CACNA1A: variants seen among roughly 807,000 people sequenced by gnomAD.
CACNA1A encodes calcium voltage-gated channel subunit alpha1 A, also known as voltage-dependent P/Q-type calcium channel subunit alpha-1A.
Under a neutral mutation model 262.4 loss-of-function variants are expected in CACNA1A, and 57 were observed. The observed-to-expected ratio is 0.22, with a 90% CI of 0.18 to 0.27. The LOEUF (loss-of-function observed/expected upper bound fraction) is 0.27. Ranked by LOEUF, CACNA1A falls within the 10% of genes least tolerant of loss-of-function variation. CACNA1A has a pLI of 1.00. For synonymous variants in CACNA1A, 1,431 were observed against 1,419.3 expected (o/e 1.01, Z -0.18); for missense variants, 2,526 against 3,562.8 (o/e 0.71, Z 7.41).
chr19:13,361,731 C>A (rs1255396573), intron 5 of CACNA1A, among the ~76,000 whole-genome samples: 4 of 152,202 alleles, frequency 2.6e-5, no homozygotes, highest in African/African-American at 9.6e-5. Context: ...AAACGCCTTC[C>A]TCACTTATGC....
chr19:13,253,190 C>G, intron 29 of CACNA1A, 89 bp from the exon 30 acceptor site: 1 of 794,756 alleles, frequency 1.3e-6, no homozygotes, highest in Non-Finnish European at 2.1e-6. Context: ...GTTCTCCAGG[C>G]AACACTCCAG....
At chr19:13,234,454 T>G (rs1028844826) in intron 34 of CACNA1A, among the ~76,000 whole-genome samples, 2 of 146,764 alleles carry the variant, frequency 1.4e-5, no homozygotes, top group African/African-American at 2.5e-5. Context: ...GAATCAAGCC[T>G]CACGGTCTGT....
At chr19:13,287,375 A>G (rs2057428373) in intron 19 of CACNA1A, among the ~76,000 whole-genome samples, 1 of 151,830 alleles carries the variant, frequency 6.6e-6, no homozygotes, top group African/African-American at 2.4e-5. Flanking sequence ...AGAAAAGGAA[A>G]GGGTACAGTT....
At chr19:13,482,233 C>T (rs182909745) in intron 1 of CACNA1A, among the ~76,000 whole-genome samples, 2 of 152,234 alleles carry the variant, frequency 1.3e-5, no homozygotes, top group African/African-American at 4.8e-5. Context: ...CGTCTGTAAT[C>T]CCAGCATTTT....
rs1237287690 is a variant in CACNA1A, at chr19:13,236,917, G to A, written c.4951-1187C>T. Among the ~76,000 whole-genome samples, 10 of 152,282 alleles carry A rather than the reference G, an allele frequency of 6.6e-5. No individual in the cohort carries two copies. The South Asian group carries it at 1.4e-3, about 22-fold the overall frequency. On this transcript the variant is annotated intron_variant, in intron 31 of 46. Coordinates refer to ENST00000360228, the MANE Select transcript of CACNA1A (RefSeq NM_001127222.2). This position sits in a 1 kb window ranked among gnomAD's most constrained non-coding sequence, Gnocchi z 4.6. ...CCTTGGTGGGGGGGGTGGGACTCTC[G>A]AAGTCACGAGTGGGCCAAATCTAGC...
At chr19:13,257,289 G>A in intron 28 of CACNA1A, 61 bp downstream of exon 28, 1 of 1,376,040 alleles carries the variant, frequency 7.3e-7, no homozygotes, top group South Asian at 1.2e-5. Context: ...GGTGTTGTGT[G>A]TGTTTTAAAG....
rs536871062 is a variant in CACNA1A at position 13,401,637 on chromosome 19, G to A, written c.540-29858C>T. Among the ~76,000 whole-genome samples the A allele has an allele frequency of 1.2e-3, 181 of 152,206 alleles. 2 individuals carry two copies. Among genetic ancestry groups the A allele is most frequent in the Non-Finnish European group, 3.7e-4 (25 of 68,010 alleles). ...GCAGAAGTGTTGTTCACCACTTCCA[G>A]GAACCCTCATAAGTACCTCCCACTC... is the stretch of plus-strand genomic sequence containing the variant. On this transcript the variant is annotated intron_variant, in intron 3 of 46. Transcript: ENST00000360228.
chr19:13,310,104 G>A (rs975182720), intron 12 of CACNA1A, among the ~76,000 whole-genome samples: 2 of 151,994 alleles, frequency 1.3e-5, no homozygotes, highest in African/African-American at 2.4e-5. Flanking sequence ...TTCTTTTACC[G>A]AGCGTTGTGT....
At chr19:13,402,775 T>TAC (rs1418469218) in intron 3 of CACNA1A, among the ~76,000 whole-genome samples, 2 of 130,554 alleles carry the variant, frequency 1.5e-5, no homozygotes, top group East Asian at 2.3e-4. Context: ...TATACATATA[T>TAC]ATACATATAT....
At chr19:13,217,927 CTTTTTTTTTTTT>C (rs33920209) in intron 38 of CACNA1A, among the ~76,000 whole-genome samples, 4 of 91,512 alleles carry the variant, frequency 4.4e-5, no homozygotes, top group Non-Finnish European at 2.0e-5. Flanking sequence ...ATAGTTCATT[CTTTTTTTTTTTT>C]TTTTTTTTTT....
At chr19:13,415,735 G>A (rs2144760674) in intron 3 of CACNA1A, among the ~76,000 whole-genome samples, 1 of 62,368 alleles carries the variant, frequency 1.6e-5, no homozygotes, top group South Asian at 5.7e-4. Context: ...GCGAGACTCT[G>A]TCTCAATTAA....
rs16054 is a variant in CACNA1A, at chr19:13,207,858, C to CCTGCTGCTG, written c.6967_6975dup (p.Gln2323_Gln2325dup). 1,688 of 1,431,766 alleles carry CCTGCTGCTG rather than the reference C, an allele frequency of 1.2e-3. 9 individuals carry two copies. In the East Asian group the frequency reaches 0.02, roughly 17 times the overall value. 88.7% of individuals were successfully genotyped at this position (1,431,766 alleles called of 1,614,324 possible). ...GCCGCCCGGCCCGGCCTGGCCACCG[C>CCTGCTGCTG]CTGCTGCTGCTGCTGCTGCTGCTGC... On this transcript the variant is annotated inframe_insertion, in exon 47 of 47. Coordinates refer to ENST00000360228, the MANE Select transcript of CACNA1A (RefSeq NM_001127222.2). This position sits in a 1 kb window ranked among gnomAD's most constrained non-coding sequence, Gnocchi z 5.7.
At chr19:13,351,446 A>C (rs1033729427) in intron 6 of CACNA1A, among the ~76,000 whole-genome samples, 4 of 152,106 alleles carry the variant, frequency 2.6e-5, no homozygotes, top group African/African-American at 7.2e-5. Flanking sequence ...GGCTCAAGCA[A>C]TCCTCCTGCC....
At position 13,409,909 on chromosome 19, in the gene CACNA1A, G is replaced by T. The variant is rs369351122; in HGVS notation, c.540-38130C>A. ...TTGAATAAATTAGAACTTGTTGTTT[G>T]CAGTAAACTGTAAAAATATAAATTG... is the stretch of plus-strand genomic sequence containing the variant. On this transcript the variant is annotated intron_variant, in intron 3 of 46. Coordinates refer to ENST00000360228, the MANE Select transcript of CACNA1A (RefSeq NM_001127222.2). Among the ~76,000 whole-genome samples the T allele has an allele frequency of 3.3e-5, 5 of 152,086 alleles. No individual in the cohort carries two copies. The East Asian group carries it at 5.8e-4, about 18-fold the overall frequency.
chr19:13,298,133 C>CTTTT (rs3050873), intron 19 of CACNA1A, among the ~76,000 whole-genome samples: 2 of 113,060 alleles, frequency 1.8e-5, no homozygotes, highest in South Asian at 3.0e-4. Flanking sequence ...AAATACAGCA[C>CTTTT]TTTTTTTTTT....
chr19:13,259,549 A>C lies in CACNA1A; in HGVS notation c.4388+15T>G. 6.3e-7 allele frequency: 1 copy of C among 1,594,108 alleles called. No homozygotes were observed. Among genetic ancestry groups the C allele is most frequent in the Non-Finnish European group, 8.6e-7 (1 of 1,169,176 alleles). ...CAGGGCTCCTCCTGGATAGATTTCC[A>C]GTCGGGCCACTTACTGTGGCCAGCC... On this transcript the variant is annotated intron_variant, in intron 27 of 46. Coordinates refer to ENST00000360228, the MANE Select transcript of CACNA1A (RefSeq NM_001127222.2).
chr19:13,330,312 T>A lies in CACNA1A; in HGVS notation c.1277A>T (p.Lys426Met). Residue 426 changes from lysine to methionine, a missense_variant, in exon 10 of 47, where the codon AAG (lysine) becomes ATG (methionine). Lys to Met is a moderately conservative substitution (Grantham distance 95). Transcript: ENST00000360228. ...PFDALRRTTIKKSKTDLLNPE... is the reference protein window; with the variant it reads ...PFDALRRTTIMKSKTDLLNPE... ...GTTGAGCAAATCTGTCTTGCTTTTC[T>A]TTATGGTGGTTCTCCGCAGAGCTCC... 6.4e-7 allele frequency: 1 copy of A among 1,564,090 alleles called. No individual in the cohort carries two copies. The highest frequency in any genetic ancestry group is 8.7e-7 in the Non-Finnish European group (1 of 1,153,196).
intron 24 of CACNA1A, chr19:13,271,227 T>TTTTGTTTTTTTTTTTTTTTTTTTTG (rs2057011895): frequency 7.0e-6 from 1 of 142,990 alleles, no homozygotes; most frequent in African/African-American, 2.6e-5. Context: ...TTTTTTTTTT[T>TTTTGTTTTTTTTTTTTTTTTTTTTG]TTTTTTTTTT....
chr19:13,450,139 CAAAAAAAAAA>C (rs367559329), intron 3 of CACNA1A, among the ~76,000 whole-genome samples: 6 of 52,246 alleles, frequency 1.1e-4, no homozygotes, highest in African/African-American at 3.2e-4. Context: ...AGACTCTTGT[CAAAAAAAAAA>C]AAAAAAAAAA....
Sources: allele counts gnomAD v4.1 joint callset (sites outside exome capture counted in the v4.1 genomes callset), GRCh38; gene constraint gnomAD v4.1.1; non-coding constraint Gnocchi (gnomAD v3.1); transcripts MANE v1.5; gene names NCBI Gene and HGNC (gene_info 2026-07-23, HGNC 2026-07-21).